Variants in ADGRB3 observed in about 807,000 individuals in gnomAD.
ADGRB3 encodes the protein adhesion G protein-coupled receptor B3.
Under a neutral mutation model 193.4 loss-of-function variants are expected in ADGRB3, and 37 were observed. The ratio of observed to expected loss-of-function variants is 0.19; its 90% confidence interval spans 0.15 to 0.25. The LOEUF is 0.25. Ranked by LOEUF, ADGRB3 falls within the 10% of genes least tolerant of loss-of-function variation. The pLI, the probability that ADGRB3 is intolerant of heterozygous loss-of-function variation, is 1.00. For synonymous variants in ADGRB3, 690 were observed against 644.2 expected (o/e 1.07, Z -1.08); for missense variants, 1,637 against 1,852.9 (o/e 0.88, Z 2.14).
At chr6:69,236,506 A>T (rs1292592807) in intron 19 of ADGRB3, among the ~76,000 whole-genome samples, 1 of 152,060 alleles carries the variant, frequency 6.6e-6, no homozygotes, top group South Asian at 2.1e-4. Flanking sequence ...AAGGATAAAC[A>T]TTTGAAAAGT....
intron 17 of ADGRB3, among the ~76,000 whole-genome samples, chr6:69,100,170 G>C (rs944429150): frequency 1.4e-4 from 21 of 152,180 alleles, no homozygotes; most frequent in African/African-American, 4.8e-4. Flanking sequence ...ATTTCTGTAT[G>C]TGTTTCTTGT....
At chr6:68,728,122 A>G (rs1180852314) in intron 3 of ADGRB3, among the ~76,000 whole-genome samples, 2 of 151,524 alleles carry the variant, frequency 1.3e-5, no homozygotes, top group Non-Finnish European at 3.0e-5. Flanking sequence ...TGATAGTATA[A>G]CACATTAATG....
intron 3 of ADGRB3, among the ~76,000 whole-genome samples, chr6:68,796,766 G>A (rs1451842837): frequency 6.6e-6 from 1 of 152,158 alleles, no homozygotes; most frequent in Non-Finnish European, 1.5e-5. Flanking sequence ...AAAATAGAAT[G>A]AGTTTGGCAG....
intron 3 of ADGRB3, among the ~76,000 whole-genome samples, chr6:68,696,742 G>A (rs961805320): frequency 1.3e-5 from 2 of 151,854 alleles, no homozygotes; most frequent in Non-Finnish European, 2.9e-5. Flanking sequence ...AAGTGTTCAG[G>A]TCCTTTAGTC....
intron 20 of ADGRB3, among the ~76,000 whole-genome samples, chr6:69,306,129 G>T (rs898184075): frequency 2.0e-5 from 3 of 151,436 alleles, no homozygotes; most frequent in East Asian, 3.9e-4. Flanking sequence ...CTTCATGGGT[G>T]GGGGGAAGCA....
chr6:69,243,322 G>A (rs953550884), intron 20 of ADGRB3, among the ~76,000 whole-genome samples: 4 of 151,856 alleles, frequency 2.6e-5, no homozygotes, highest in African/African-American at 9.7e-5. Context: ...CTCAATGAGG[G>A]CCTAGGTCTT....
intron 5 of ADGRB3, among the ~76,000 whole-genome samples, chr6:68,943,079 T>C (rs1252617797): frequency 6.6e-6 from 1 of 152,202 alleles, no homozygotes; most frequent in Non-Finnish European, 1.5e-5. Flanking sequence ...TTATTTTCTT[T>C]AGAAATTTAT....
chr6:69,227,284 A>G (rs999966502), intron 17 of ADGRB3, among the ~76,000 whole-genome samples: 5 of 152,198 alleles, frequency 3.3e-5, no homozygotes, highest in African/African-American at 1.2e-4. Context: ...TGAATGTGGG[A>G]AGCCAATGAG....
intron 6 of ADGRB3, among the ~76,000 whole-genome samples, chr6:68,954,027 T>G (rs1458986172): frequency 6.6e-6 from 1 of 152,160 alleles, no homozygotes; most frequent in Non-Finnish European, 1.5e-5. Context: ...TAGAAAGTAT[T>G]TTTGGTTAAA....
In ADGRB3 at chr6:68,993,953, T is replaced by C; in HGVS notation, c.1920T>C (p.Asp640=). ...GGGCAAGTTACATCCCTGCATCTGA[T>C]GGTGTCCAGGTAAGGGAGACAAGTT... ...FKRASYIPAS[D]GVQNFFQIVS... The change falls in exon 11 of 32, where the codon GAT becomes GAC. Residue 640 remains aspartate, a synonymous_variant. Transcript: ENST00000370598. 6.2e-7 allele frequency: 1 copy of C among 1,613,510 alleles called. No individual in the cohort carries two copies. The highest frequency in any genetic ancestry group is 8.5e-7 in the Non-Finnish European group (1 of 1,179,574).
At chr6:69,164,727 G>C (rs934629071) in intron 17 of ADGRB3, among the ~76,000 whole-genome samples, 1 of 152,096 alleles carries the variant, frequency 6.6e-6, no homozygotes, top group African/African-American at 2.4e-5. Flanking sequence ...CCAGTTAGAA[G>C]ACAGTGAAAT....
At chr6:68,891,503 A>G (rs1371533750) in intron 3 of ADGRB3, among the ~76,000 whole-genome samples, 1 of 152,194 alleles carries the variant, frequency 6.6e-6, no homozygotes, top group Non-Finnish European at 1.5e-5. Flanking sequence ...AAATTTAAAA[A>G]TGAAAAGTAT....
At chr6:69,237,194 A>G (rs890667114) in intron 19 of ADGRB3, among the ~76,000 whole-genome samples, 8 of 152,040 alleles carry the variant, frequency 5.3e-5, no homozygotes, top group Non-Finnish European at 1.2e-4. Context: ...TATATTGTGT[A>G]CTGTATAATA....
At chr6:68,771,021 T>C (rs924401766) in intron 3 of ADGRB3, among the ~76,000 whole-genome samples, 1 of 152,140 alleles carries the variant, frequency 6.6e-6, no homozygotes, top group Non-Finnish European at 1.5e-5. Context: ...TGGCTGGCTG[T>C]TGGTAAATGC....
chr6:69,055,570 G>T (rs1246482547), intron 15 of ADGRB3, among the ~76,000 whole-genome samples: 1 of 152,006 alleles, frequency 6.6e-6, no homozygotes, highest in Non-Finnish European at 1.5e-5. Context: ...CCACCTCTTG[G>T]CAATTGTCAA....
intron 20 of ADGRB3, among the ~76,000 whole-genome samples, chr6:69,279,207 A>T (rs1767373490): frequency 6.8e-6 from 1 of 147,414 alleles, no homozygotes; most frequent in Non-Finnish European, 1.5e-5. Flanking sequence ...TAATACACTT[A>T]ACCTACTGAA....
intron 13 of ADGRB3, among the ~76,000 whole-genome samples, chr6:69,019,614 A>G (rs1201852874): frequency 1.3e-5 from 2 of 152,014 alleles, no homozygotes; most frequent in East Asian, 3.9e-4. Context: ...AGGAAAGTCT[A>G]TGTAATGGAT....
At position 69,354,175 on chromosome 6, in the gene ADGRB3, G is replaced by A. The variant is rs866935942; in HGVS notation, c.3460-58G>A. On this transcript the variant is annotated intron_variant, in intron 26 of 31. Transcript: ENST00000370598. ...TGCCTCAGAGCTGATTGCCAAGATAGACAGTATCTTGTCATTATTAAGAGA... is the reference window on the plus strand; with the variant it reads ...TGCCTCAGAGCTGATTGCCAAGATAAACAGTATCTTGTCATTATTAAGAGA... 6.5e-6 allele frequency: 8 copies of A among 1,238,488 alleles called. 1 individual carries two copies. The Middle Eastern group carries it at 5.7e-4, about 88-fold the overall frequency. The allele number at this position is 1,238,488 out of a possible 1,614,324, so 76.7% of individuals were successfully genotyped here.
intron 20 of ADGRB3, among the ~76,000 whole-genome samples, chr6:69,295,123 T>A (rs972907131): frequency 2.0e-5 from 3 of 152,290 alleles, no homozygotes; most frequent in East Asian, 3.9e-4. Flanking sequence ...TACTGCCTGA[T>A]GTTACTAAAA....
Sources: allele counts gnomAD v4.1 joint callset (sites outside exome capture counted in the v4.1 genomes callset), GRCh38; gene constraint gnomAD v4.1.1; transcripts MANE v1.5; gene names NCBI Gene and HGNC (gene_info 2026-07-23, HGNC 2026-07-21).